The following AKR1C4 variants were observed in gnomAD, a reference collection of about 807,000 sequenced individuals.
AKR1C4 encodes aldo-keto reductase family 1 member C4.
In AKR1C4, 44 loss-of-function variants were observed where a neutral mutation model predicts 41.0. That is an observed-to-expected ratio of 1.07 (90% CI 0.84 to 1.38). AKR1C4 has a LOEUF of 1.38. Among genes scored for constraint, AKR1C4 ranks in the 40% most tolerant of loss-of-function variants. The pLI is 0.00. For missense variants in AKR1C4, 438 were observed against 387.9 expected (o/e 1.13, Z -1.09); for synonymous variants, 165 against 137.7 (o/e 1.20, Z -1.39).
intron 4 of AKR1C4, 51 bp downstream of exon 4, chr10:5,205,885 C>T (rs782490210): frequency 6.5e-7 from 1 of 1,531,676 alleles, no homozygotes; most frequent in Non-Finnish European, 8.9e-7. Context: ...AAGAGGTAAA[C>T]CTGTTCCCCA....
At chr10:5,203,330 T>A (rs1832431632) in intron 2 of AKR1C4, among the ~76,000 whole-genome samples, 1 of 152,202 alleles carries the variant, frequency 6.6e-6, no homozygotes, top group African/African-American at 2.4e-5. Context: ...CAAGTTCAAG[T>A]TGGCTGACTT....
At chr10:5,215,444 G>A (rs1386523214) in intron 7 of AKR1C4, among the ~76,000 whole-genome samples, 1 of 152,204 alleles carries the variant, frequency 6.6e-6, no homozygotes, top group Non-Finnish European at 1.5e-5. Context: ...CTCACAATTT[G>A]CAGGCTGTAC....
intron 1 of AKR1C4, among the ~76,000 whole-genome samples, chr10:5,198,252 T>C (rs1044703323): frequency 6.6e-6 from 1 of 152,198 alleles, no homozygotes; most frequent in Non-Finnish European, 1.5e-5. Flanking sequence ...AGTATTTAGT[T>C]CTGTCATGCA....
At chr10:5,199,810 C>T (rs1420674096) in intron 1 of AKR1C4, among the ~76,000 whole-genome samples, 4 of 152,164 alleles carry the variant, frequency 2.6e-5, no homozygotes, top group African/African-American at 9.7e-5. Context: ...CCGATCCTTC[C>T]GGTAAACCAA....
In AKR1C4 at chr10:5,212,339, T is replaced by C. The variant is rs558065247; in HGVS notation, c.571-277T>C. 7.2e-5 allele frequency among the ~76,000 whole-genome samples: 11 copies of C among 152,326 alleles called. No individual in the cohort carries two copies. The South Asian group carries it at 2.3e-3, about 32-fold the overall frequency. ...ATTTGATGTTCAAAGCTCAGAATCTTAACCTATCCCAAGTCTAGAATTGGC... is the reference window on the plus strand; with the variant it reads ...ATTTGATGTTCAAAGCTCAGAATCTCAACCTATCCCAAGTCTAGAATTGGC... On this transcript the variant is annotated intron_variant, in intron 5 of 8. Coordinates refer to ENST00000263126, the MANE Select transcript of AKR1C4 (RefSeq NM_001818.5).
chr10:5,206,262 C>A lies in AKR1C4; in HGVS notation c.448-13C>A, dbSNP rs1355525926. The A allele has an allele frequency of 1.9e-6, 3 of 1,613,940 alleles. No homozygotes were observed. Among genetic ancestry groups the A allele is most frequent in the Admixed American group, 3.3e-5 (2 of 60,012 alleles). On this transcript the variant is annotated splice_polypyrimidine_tract_variant and intron_variant, in intron 4 of 8. Transcript: ENST00000263126. ...ACTGCACAAATAATTCCTCACAACC[C>A]CTTTCTCCCCAGGTCATGGAGAAGT...
chr10:5,199,811 G>A (rs1165483203), intron 1 of AKR1C4, among the ~76,000 whole-genome samples: 3 of 152,112 alleles, frequency 2.0e-5, no homozygotes, highest in African/African-American at 4.8e-5. Flanking sequence ...CGATCCTTCC[G>A]GTAAACCAAA....
At chr10:5,204,251 CAA>C in intron 2 of AKR1C4, 124 bp from the exon 3 acceptor site, 1 of 538,588 alleles carries the variant, frequency 1.9e-6, no homozygotes, top group Non-Finnish European at 3.4e-6. Context: ...CAAAATAAAA[CAA>C]AGGGAATTTT....
intron 5 of AKR1C4, among the ~76,000 whole-genome samples, chr10:5,210,264 C>T (rs782062943): frequency 7.9e-5 from 12 of 152,168 alleles, no homozygotes; most frequent in Non-Finnish European, 1.2e-4. Flanking sequence ...GAGGTGGTTC[C>T]TATGTTCTTG....
chr10:5,206,295 T>C lies in AKR1C4; in HGVS notation c.468T>C (p.Asp156=), dbSNP rs1554797480. The C allele has an allele frequency of 1.2e-6, 2 of 1,613,952 alleles. No homozygotes were observed. Among genetic ancestry groups the C allele is most frequent in the Non-Finnish European group, 1.7e-6 (2 of 1,179,990 alleles). ...CCCAGGTCATGGAGAAGTGTAAGGA[T>C]GCAGGATTGGCCAAGTCCATCGGGG... ...ATWEVMEKCK[D]AGLAKSIGVS... The change falls in exon 5 of 9, where the codon GAT becomes GAC. Residue 156 remains aspartate, a synonymous_variant. Coordinates refer to ENST00000263126, the MANE Select transcript of AKR1C4 (RefSeq NM_001818.5).
chr10:5,213,861 T>C (rs1246878260), intron 7 of AKR1C4, among the ~76,000 whole-genome samples: 15 of 152,148 alleles, frequency 9.9e-5, no homozygotes, highest in African/African-American at 3.6e-4. Context: ...ATTGTTGAAA[T>C]AGCCTCTCCC....
rs1554796743 is a variant in AKR1C4 at position 5,200,169 on chromosome 10, T to A, written c.85-12T>A. ...ATTGATCACCAAATACTACCTTTCG[T>A]TGCTCCTTCAGGTTCCGAGGAACAG... is the stretch of plus-strand genomic sequence containing the variant. On this transcript the variant is annotated splice_polypyrimidine_tract_variant and intron_variant, in intron 1 of 8. Transcript: ENST00000263126. 6.2e-7 allele frequency: 1 copy of A among 1,606,744 alleles called. No homozygotes were observed. The highest frequency in any genetic ancestry group is 1.3e-5 in the African/African-American group (1 of 74,716).
At chr10:5,203,527 G>A (rs1465262883) in intron 2 of AKR1C4, among the ~76,000 whole-genome samples, 2 of 152,146 alleles carry the variant, frequency 1.3e-5, no homozygotes, top group East Asian at 3.8e-4. Context: ...TCCCTGGTGG[G>A]GAAGAGTATT....
At chr10:5,216,017 A>C (rs536010696) in intron 7 of AKR1C4, among the ~76,000 whole-genome samples, 1 of 152,222 alleles carries the variant, frequency 6.6e-6, no homozygotes, top group Non-Finnish European at 1.5e-5. Flanking sequence ...AAATATGCCG[A>C]AAGTTGTTTT....
chr10:5,206,248 A>C, intron 4 of AKR1C4, 27 bp from the exon 5 acceptor site: 1 of 1,613,858 alleles, frequency 6.2e-7, no homozygotes, highest in Non-Finnish European at 8.5e-7. Flanking sequence ...CTGCACAAAT[A>C]ATTCCTCACA....
chr10:5,217,131 G>C (rs949092359), intron 8 of AKR1C4, among the ~76,000 whole-genome samples: 1 of 152,252 alleles, frequency 6.6e-6, no homozygotes, highest in Non-Finnish European at 1.5e-5. Context: ...CATATGGCTT[G>C]ATTAATGTTT....
In AKR1C4 at chr10:5,200,387, A is replaced by C. The variant is rs1204695883; in HGVS notation, c.252+39A>C. On this transcript the variant is annotated intron_variant, in intron 2 of 8. Transcript: ENST00000263126. ...GATGAGCATGTATGCACATGTGTTT[A>C]ATGGGATTGTGTGGAGATGACAATT... The C allele has an allele frequency of 3.2e-6, 5 of 1,579,426 alleles. No homozygotes were observed. In the African/African-American group the frequency reaches 6.7e-5, roughly 21 times the overall value.
chr10:5,213,275 C>T (rs782247818), intron 7 of AKR1C4, 116 bp downstream of exon 7: 1 of 1,473,126 alleles, frequency 6.8e-7, no homozygotes, highest in Non-Finnish European at 9.1e-7. Context: ...TTCCTATGCA[C>T]AAATGCTTTG....
chr10:5,202,824 T>C (rs1832420581), intron 2 of AKR1C4, among the ~76,000 whole-genome samples: 1 of 152,160 alleles, frequency 6.6e-6, no homozygotes, highest in Non-Finnish European at 1.5e-5. Flanking sequence ...ACCTATGGGA[T>C]GAAACCCACT....
Sources: allele counts gnomAD v4.1 joint callset (sites outside exome capture counted in the v4.1 genomes callset), GRCh38; gene constraint gnomAD v4.1.1; transcripts MANE v1.5; gene names NCBI Gene and HGNC (gene_info 2026-07-23, HGNC 2026-07-21).